GALNT9: variants seen among roughly 807,000 people sequenced by gnomAD.
GALNT9 encodes the protein GalNAc transferase 9.
Under a neutral mutation model 63.1 loss-of-function variants are expected in GALNT9, and 47 were observed. The ratio of observed to expected loss-of-function variants is 0.75; its 90% CI spans 0.59 to 0.95. GALNT9 has a LOEUF of 0.95. Ranked by LOEUF, GALNT9 falls within the 40% of genes least tolerant of loss-of-function variation. The pLI, the probability that GALNT9 is intolerant of heterozygous loss-of-function variation, is 0.00. For synonymous variants in GALNT9, 396 were observed against 365.7 expected (o/e 1.08, Z -0.94); for missense variants, 829 against 874.8 (o/e 0.95, Z 0.66).
At chr12:132,237,464 C>A (rs1555236422) in intron 6 of GALNT9, among the ~76,000 whole-genome samples, 4 of 152,164 alleles carry the variant, frequency 2.6e-5, no homozygotes, top group Admixed American at 6.5e-5. Flanking sequence ...GCTGCTCACA[C>A]CTGCCCATAC....
chr12:132,200,928 C>T (rs894947294), intron 8 of GALNT9, 196 bp downstream of exon 8: 4 of 583,114 alleles, frequency 6.9e-6, no homozygotes, highest in African/African-American at 5.6e-5. Context: ...CGTGGATGTG[C>T]CTGCATCACC....
rs2136896086 is a variant in GALNT9 at position 132,238,506 on chromosome 12, C to T, written c.1077+9404G>A. ...GCCACTGCTGGTGCCAGAGAGACCA[C>T]GGTTTTGCAGATGCCCAGGACAGGC... On this transcript the variant is annotated intron_variant, in intron 6 of 10. Transcript: ENST00000328957. The surrounding 1 kb of genome is among the most constrained non-coding windows in gnomAD (Gnocchi z 6.5). Among the ~76,000 whole-genome samples, 7 of 152,248 alleles carry T rather than the reference C, an allele frequency of 4.6e-5. No individual in the cohort carries two copies. The East Asian group carries it at 1.2e-3, about 25-fold the overall frequency.
At chr12:132,209,111 G>A (rs1023952323) in intron 6 of GALNT9, among the ~76,000 whole-genome samples, 3 of 152,188 alleles carry the variant, frequency 2.0e-5, no homozygotes, top group Non-Finnish European at 4.4e-5. Context: ...GTGAACAGGG[G>A]CTGGGTAAGA....
intron 9 of GALNT9, among the ~76,000 whole-genome samples, chr12:132,198,443 GCTGGGC>G (rs1555232981): frequency 1.0e-5 from 1 of 99,284 alleles, no homozygotes; most frequent in Non-Finnish European, 2.2e-5. Context: ...TGGGGCTGGG[GCTGGGC>G]CTGGGCCTGT....
At chr12:132,300,498 T>C (rs1245868033) in intron 1 of GALNT9, among the ~76,000 whole-genome samples, 1 of 133,896 alleles carries the variant, frequency 7.5e-6, no homozygotes, top group Non-Finnish European at 1.6e-5. Context: ...CCACCACATC[T>C]AACCCATCCC....
intron 10 of GALNT9, 60 bp downstream of exon 10, chr12:132,197,732 A>T: frequency 7.8e-7 from 1 of 1,279,836 alleles, no homozygotes; most frequent in East Asian, 2.6e-5. Flanking sequence ...AGAGGCACCC[A>T]GGGGTCCCAG....
chr12:132,277,505 G>T lies in GALNT9; in HGVS notation c.419+8745C>A, dbSNP rs28648990. On this transcript the variant is annotated intron_variant, in intron 2 of 10. Transcript: ENST00000328957. ...CTGGGGTTGGCACTGGGGCAGACCT[G>T]CTGGGGGGTTCTGGGTTGCAGCTGG... The T allele has an allele frequency of 8.6e-3, 1,332 of 154,850 alleles. 21 individuals carry two copies. Among genetic ancestry groups the T allele is most frequent in the African/African-American group, 0.03 (1,238 of 41,658 alleles). 9.6% of individuals were successfully genotyped at this position (154,850 alleles called of 1,614,324 possible).
At chr12:132,293,803 G>A (rs1465813596) in intron 1 of GALNT9, among the ~76,000 whole-genome samples, 3 of 152,016 alleles carry the variant, frequency 2.0e-5, no homozygotes, top group Non-Finnish European at 2.9e-5. Flanking sequence ...GGGGGGTCCC[G>A]TATACAGTCA....
intron 3 of GALNT9, among the ~76,000 whole-genome samples, chr12:132,261,421 A>G (rs955426164): frequency 6.6e-6 from 1 of 152,312 alleles, no homozygotes; most frequent in South Asian, 2.1e-4. Flanking sequence ...AGTCAGCTGT[A>G]AAAAACCAAG....
At chr12:132,239,387 CAG>C (rs1160137562) in intron 6 of GALNT9, among the ~76,000 whole-genome samples, 3 of 145,080 alleles carry the variant, frequency 2.1e-5, no homozygotes, top group African/African-American at 7.8e-5. Context: ...GACAGAGACA[CAG>C]AGACAGAAAG....
chr12:132,315,654 T>G lies in GALNT9; in HGVS notation c.238+13312A>C, dbSNP rs1218829486. Among the ~76,000 whole-genome samples the G allele has an allele frequency of 1.3e-5, 2 of 152,120 alleles. No individual in the cohort carries two copies. Among genetic ancestry groups the G allele is most frequent in the Admixed American group, 6.5e-5 (1 of 15,270 alleles). ...GAGAAGGTCGCGTCTTCTGGGCCAG[T>G]CTCTGTGAAGGCCACCAGTTCGGAT... On this transcript the variant is annotated intron_variant, in intron 1 of 10. Coordinates refer to ENST00000328957, the MANE Select transcript of GALNT9 (RefSeq NM_001122636.2). This position sits in a 1 kb window ranked among gnomAD's most constrained non-coding sequence, Gnocchi z 6.1.
chr12:132,285,655 C>T (rs1880558306), intron 2 of GALNT9, among the ~76,000 whole-genome samples: 2 of 152,248 alleles, frequency 1.3e-5, no homozygotes, highest in South Asian at 4.1e-4. Context: ...GAGGCCACAG[C>T]AGGTGGGACC....
chr12:132,318,798 A>AGCCCTG (rs1868645209), intron 1 of GALNT9, among the ~76,000 whole-genome samples: 1 of 152,210 alleles, frequency 6.6e-6, no homozygotes, highest in African/African-American at 2.4e-5. Context: ...GAGCAGGTCC[A>AGCCCTG]GCCCTGCTCC....
chr12:132,328,771 C>T (rs1470191896), intron 1 of GALNT9, among the ~76,000 whole-genome samples, 195 bp downstream of exon 1: 2 of 152,218 alleles, frequency 1.3e-5, no homozygotes, highest in Non-Finnish European at 2.9e-5. Context: ...GGTGGGTGCC[C>T]GGTGCGGGGG....
intron 1 of GALNT9, among the ~76,000 whole-genome samples, chr12:132,295,810 G>A (rs554500346): frequency 4.7e-5 from 5 of 105,406 alleles, no homozygotes; most frequent in South Asian, 5.6e-4. Flanking sequence ...GACGGCCTCC[G>A]GAACAGGGAG....
In GALNT9 at chr12:132,276,454, G is replaced by C. The variant is rs1029654226; in HGVS notation, c.419+9796C>G. On this transcript the variant is annotated intron_variant, in intron 2 of 10. Transcript: ENST00000328957. Reference sequence around the variant, plus strand: ...CCATCCCAGACCCGAGACGCAGAAGGCTTTAGACAGAGCAGCTTCATCAGG... The same window carrying C: ...CCATCCCAGACCCGAGACGCAGAAGCCTTTAGACAGAGCAGCTTCATCAGG... 5 of 155,230 alleles carry C rather than the reference G, an allele frequency of 3.2e-5. No homozygotes were observed. The East Asian group carries it at 9.7e-4, about 30-fold the overall frequency. 9.6% of individuals were successfully genotyped at this position (155,230 alleles called of 1,614,324 possible). A position where few individuals can be genotyped will look rare whatever the true frequency, so the allele number is the denominator to read the frequency against.
chr12:132,303,438 C>CCCTCACCCGGGCACAG (rs1566019044), intron 1 of GALNT9, among the ~76,000 whole-genome samples: 82 of 89,972 alleles, frequency 9.1e-4, no homozygotes, highest in Non-Finnish European at 1.4e-3. Context: ...CCCGGGCACA[C>CCCTCACCCGGGCACAG]CCTCGCCCGG....
intron 10 of GALNT9, 32 bp from the exon 11 acceptor site, chr12:132,197,285 T>G (rs1333664252): frequency 2.7e-5 from 44 of 1,604,778 alleles, no homozygotes; most frequent in Non-Finnish European, 3.6e-5. Context: ...GTCAGCCAGG[T>G]GCAGGCGTCC....
intron 4 of GALNT9, among the ~76,000 whole-genome samples, chr12:132,260,711 G>A (rs781984181): frequency 1.2e-4 from 19 of 152,244 alleles, no homozygotes; most frequent in Non-Finnish European, 2.1e-4. Context: ...CCTTGGGTGC[G>A]TGCTGGGCCT....
Sources: allele counts gnomAD v4.1 joint callset (sites outside exome capture counted in the v4.1 genomes callset), GRCh38; gene constraint gnomAD v4.1.1; non-coding constraint Gnocchi (gnomAD v3.1); transcripts MANE v1.5; gene names NCBI Gene and HGNC (gene_info 2026-07-23, HGNC 2026-07-21).